Variants in SH2D3C observed in about 807,000 individuals in gnomAD.
The protein encoded by SH2D3C is SH2 domain-containing protein 3C.
In SH2D3C, 25 loss-of-function variants were observed where a neutral mutation model predicts 75.2. That is an observed-to-expected ratio of 0.33 (90% CI 0.24 to 0.46). The LOEUF (loss-of-function observed/expected upper bound fraction) is 0.46. Ranked by LOEUF, SH2D3C falls within the 20% of genes least tolerant of loss-of-function variation. The probability of loss-of-function intolerance (pLI) is 1.00; values close to 1 mark genes in which losing one functional copy is unlikely to be tolerated. For synonymous variants in SH2D3C, 450 were observed against 473.7 expected (o/e 0.95, Z 0.65); for missense variants, 933 against 1,165.3 (o/e 0.80, Z 2.90).
intron 5 of SH2D3C, among the ~76,000 whole-genome samples, chr9:127,748,387 G>A (rs984902301): frequency 3.9e-5 from 6 of 152,184 alleles, no homozygotes; most frequent in African/African-American, 1.2e-4. Context: ...CCCAGCCCCA[G>A]GGAGACAGAG....
intron 3 of SH2D3C, among the ~76,000 whole-genome samples, chr9:127,752,862 C>T (rs1845239822): frequency 6.6e-6 from 1 of 152,092 alleles, no homozygotes; most frequent in South Asian, 2.1e-4. Flanking sequence ...AGATGGTGCA[C>T]CACCAAACTA....
At chr9:127,761,264 C>A (rs764249141) in intron 3 of SH2D3C, among the ~76,000 whole-genome samples, 2 of 152,236 alleles carry the variant, frequency 1.3e-5, no homozygotes, top group African/African-American at 2.4e-5. Context: ...CCAGCGCCAG[C>A]ACACAGTAGG....
At chr9:127,770,704 G>A (rs1352578171) in intron 2 of SH2D3C, among the ~76,000 whole-genome samples, 1 of 152,212 alleles carries the variant, frequency 6.6e-6, no homozygotes, top group Admixed American at 6.5e-5. Context: ...GTCAGCTCCT[G>A]GCTAAGCATG....
chr9:127,747,448 G>A (rs146053757), intron 5 of SH2D3C, among the ~76,000 whole-genome samples, 177 bp from the exon 6 acceptor site: 1 of 152,200 alleles, frequency 6.6e-6, no homozygotes, highest in South Asian at 2.1e-4. Context: ...GAGGGAGGGG[G>A]CACAGCGAGT....
At chr9:127,760,780 C>T (rs770842907) in intron 3 of SH2D3C, among the ~76,000 whole-genome samples, 23 of 152,076 alleles carry the variant, frequency 1.5e-4, no homozygotes, top group Non-Finnish European at 2.1e-4. Flanking sequence ...GCAGCCAGCA[C>T]GGGGTCTGCA....
At chr9:127,761,679 C>A (rs779602696) in intron 2 of SH2D3C, 29 bp from the exon 3 acceptor site, 1 of 1,602,716 alleles carries the variant, frequency 6.2e-7, no homozygotes, top group South Asian at 1.1e-5. Flanking sequence ...AGTGAGCATC[C>A]CCAGCCCTGC....
Position 127,761,683 on chromosome 9 carries a change from G to A in SH2D3C, c.516-33C>T. 1.9e-6 allele frequency: 3 copies of A among 1,593,076 alleles called. No homozygotes were observed. The South Asian group carries it at 3.4e-5, about 18-fold the overall frequency. On this transcript the variant is annotated intron_variant, in intron 2 of 11. Transcript: ENST00000314830. Reference sequence around the variant, plus strand: ...GAGAAAAGACAAGTGAGCATCCCCAGCCCTGCTTGGCTCCCCAGCTGCCGG... The same window carrying A: ...GAGAAAAGACAAGTGAGCATCCCCAACCCTGCTTGGCTCCCCAGCTGCCGG...
intron 2 of SH2D3C, among the ~76,000 whole-genome samples, chr9:127,772,176 G>GA (rs542404389): frequency 6.8e-6 from 1 of 146,328 alleles, no homozygotes; most frequent in South Asian, 2.2e-4. Flanking sequence ...AAAGTTACCA[G>GA]AAAAAAACAA....
rs771593283 is a variant in SH2D3C, at chr9:127,742,896, C to T, written c.1869G>A (p.Leu623=). Residue 623 remains leucine (L), a synonymous_variant, in exon 8 of 12, where the codon CTG becomes CTA. Transcript: ENST00000314830. ...TLMGVRWGME[L]LTLPHGRQLR... ...GCTGCCGGCCATGGGGGAGGGTGAG[C>T]AGTTCCATGCCCCAGCGGACTCCCA... is the stretch of plus-strand genomic sequence containing the variant. 2.0e-5 allele frequency: 33 copies of T among 1,613,808 alleles called. No homozygotes were observed. Among genetic ancestry groups the T allele is most frequent in the Non-Finnish European group, 2.6e-5 (31 of 1,179,912 alleles).
Position 127,739,837 on chromosome 9 carries a change from G to C in SH2D3C, c.2252C>G (p.Thr751Ser), listed in dbSNP as rs913235933. Residue 751 changes from threonine (T) to serine (S), a missense_variant, in exon 11 of 12, where the codon ACC becomes AGC. By Grantham distance (58) the Thr-to-Ser change is moderately conservative. Coordinates refer to ENST00000314830, the MANE Select transcript of SH2D3C (RefSeq NM_170600.3). The surrounding 1 kb of genome is among the most constrained non-coding windows in gnomAD (Gnocchi z 4.3). ...TTFPHVLPLI[T>S]LLECDSAPPE... ...TGGGGCCGAGTCACACTCCAGCAGG[G>C]TGATGAGGGGCAGCACATGAGGAAA... The C allele has an allele frequency of 1.3e-6, 2 of 1,576,602 alleles. No individual in the cohort carries two copies. Among genetic ancestry groups the C allele is most frequent in the Non-Finnish European group, 1.7e-6 (2 of 1,159,986 alleles).
chr9:127,757,645 G>GATTATTATTATTATT (rs71380087), intron 3 of SH2D3C, among the ~76,000 whole-genome samples: 11 of 121,504 alleles, frequency 9.1e-5, no homozygotes, highest in East Asian at 2.3e-4. Context: ...TGATGATGAT[G>GATTATTATTATTATT]ATTATTATTA....
chr9:127,748,719 C>T (rs1778200031), intron 5 of SH2D3C, among the ~76,000 whole-genome samples: 1 of 152,198 alleles, frequency 6.6e-6, no homozygotes, highest in South Asian at 2.1e-4. Flanking sequence ...TGATTTTAGC[C>T]CCGGAGACAA....
Position 127,739,719 on chromosome 9 carries a change from T to C in SH2D3C, c.2370A>G (p.Gly790=), listed in dbSNP as rs1374390585. The C allele has an allele frequency of 6.2e-7, 1 of 1,610,918 alleles. No homozygotes were observed. The highest frequency in any genetic ancestry group is 1.1e-5 in the South Asian group (1 of 90,894). The part of the protein sequence containing the change: ...LEAARTVAHH[G]GLYHTNAEVK... ...CTTCAGCATTGGTGTGGTACAGGCC[T>C]CCGTGGTGTGCCACTGTGCGGGCGG... Residue 790 remains glycine, a synonymous_variant, in exon 11 of 12, where the codon GGA becomes GGG. Coordinates refer to ENST00000314830, the MANE Select transcript of SH2D3C (RefSeq NM_170600.3). This position sits in a 1 kb window ranked among gnomAD's most constrained non-coding sequence, Gnocchi z 4.3.
At chr9:127,755,055 G>A in intron 3 of SH2D3C, 1 of 1,155,840 alleles carries the variant, frequency 8.7e-7, no homozygotes, top group Non-Finnish European at 1.1e-6. Flanking sequence ...GGCGCGCGTG[G>A]CGGGGGCCGA....
intron 1 of SH2D3C, among the ~76,000 whole-genome samples, chr9:127,778,317 G>T (rs1490661409): frequency 3.3e-5 from 5 of 151,650 alleles, no homozygotes; most frequent in Non-Finnish European, 5.9e-5. Context: ...ATTTAATTGT[G>T]CCTGGAGTCC....
At position 127,774,221 on chromosome 9, in the gene SH2D3C, C is replaced by G. The variant is rs766339295; in HGVS notation, c.284G>C (p.Arg95Pro). 1.9e-6 allele frequency: 3 copies of G among 1,613,770 alleles called. No homozygotes were observed. The South Asian group carries it at 3.3e-5, about 18-fold the overall frequency. The change falls in exon 2 of 12, where the codon CGG (arginine) becomes CCG (proline). Residue 95 changes from arginine to proline, a missense_variant. By Grantham distance (103) the Arg-to-Pro change is moderately radical. Coordinates refer to ENST00000314830, the MANE Select transcript of SH2D3C (RefSeq NM_170600.3). The surrounding 1 kb of genome is among the most constrained non-coding windows in gnomAD (Gnocchi z 4.3). ...IKKAQNSQAA[R>P]QAQEAGPKPN... is the part of the protein sequence containing the mutation. ...CTTGGGACCCGCCTCCTGGGCCTGC[C>G]GGGCAGCCTGTGAGTTCTGTGCTTT...
intron 9 of SH2D3C, among the ~76,000 whole-genome samples, chr9:127,741,571 ATTTGT>A (rs1310249718): frequency 6.6e-6 from 1 of 152,026 alleles, no homozygotes; most frequent in East Asian, 1.9e-4. Flanking sequence ...AATGCTCCTC[ATTTGT>A]TTTATTTTAC....
intron 8 of SH2D3C, 26 bp from the exon 9 acceptor site, chr9:127,741,985 G>A (rs1389453742): frequency 6.3e-7 from 1 of 1,581,144 alleles, no homozygotes; most frequent in African/African-American, 1.3e-5. Flanking sequence ...GGTCAGAGGC[G>A]GCGGGCTCGG....
chr9:127,775,588 T>C (rs1170847470), intron 1 of SH2D3C, among the ~76,000 whole-genome samples: 4 of 148,982 alleles, frequency 2.7e-5, no homozygotes, highest in Non-Finnish European at 5.9e-5. Context: ...GATTGCACCA[T>C]TGCACTCCAG....
Sources: allele counts gnomAD v4.1 joint callset (sites outside exome capture counted in the v4.1 genomes callset), GRCh38; gene constraint gnomAD v4.1.1; non-coding constraint Gnocchi (gnomAD v3.1); transcripts MANE v1.5; gene names NCBI Gene and HGNC (gene_info 2026-07-23, HGNC 2026-07-21).